Variants in VSTM4 observed in about 807,000 individuals in gnomAD.
The protein encoded by VSTM4 is V-set and transmembrane domain containing 4.
In VSTM4, 20 loss-of-function variants were observed where a neutral mutation model predicts 36.4. The observed-to-expected ratio is 0.55, with a 90% CI of 0.39 to 0.80. The LOEUF (loss-of-function observed/expected upper bound fraction) is 0.80, where lower values mean the gene tolerates loss of function less well. Among genes scored for constraint, VSTM4 ranks in the 30% least tolerant of loss-of-function variants. The probability of loss-of-function intolerance (pLI) is 0.00; values close to 1 mark genes in which losing one functional copy is unlikely to be tolerated. For synonymous variants in VSTM4, 182 were observed against 173.9 expected (o/e 1.05, Z -0.37); for missense variants, 392 against 404.5 (o/e 0.97, Z 0.26).
chr10:49,087,639 G>A (rs2132003012), intron 2 of VSTM4, among the ~76,000 whole-genome samples: 1 of 152,098 alleles, frequency 6.6e-6, no homozygotes, highest in South Asian at 2.1e-4. Context: ...AAAAATCCTG[G>A]GGTATTTACC....
intron 2 of VSTM4, among the ~76,000 whole-genome samples, chr10:49,100,033 A>G (rs1158323461): frequency 1.3e-5 from 2 of 152,206 alleles, no homozygotes; most frequent in Admixed American, 6.5e-5. Flanking sequence ...AAAGAAAAAG[A>G]AAAAGGAAGG....
intron 2 of VSTM4, among the ~76,000 whole-genome samples, chr10:49,089,919 C>A (rs1844442184): frequency 6.6e-6 from 1 of 152,368 alleles, no homozygotes; most frequent in Non-Finnish European, 1.5e-5. Flanking sequence ...GTGTAGTGGA[C>A]AATCAGCAGG....
At chr10:49,038,015 G>A (rs1843460138) in intron 7 of VSTM4, among the ~76,000 whole-genome samples, 2 of 151,788 alleles carry the variant, frequency 1.3e-5, no homozygotes, top group Admixed American at 1.3e-4. Flanking sequence ...TTGTAGGAAT[G>A]TAAAATGGTG....
chr10:49,108,124 C>T, intron 1 of VSTM4, 129 bp from the exon 2 acceptor site: 1 of 1,306,718 alleles, frequency 7.7e-7, no homozygotes, highest in Non-Finnish European at 1.0e-6. Context: ...GCCAGAGAAG[C>T]AGGCGGCCCC....
intron 5 of VSTM4, among the ~76,000 whole-genome samples, chr10:49,055,559 G>C (rs537745104): frequency 1.3e-5 from 2 of 152,314 alleles, no homozygotes; most frequent in Admixed American, 1.3e-4. Flanking sequence ...TTCTCCCCAA[G>C]GTCAGCTGCC....
At position 49,018,859 on chromosome 10, in the gene VSTM4, T is replaced by C. The variant is rs1843139110; in HGVS notation, c.*791A>G. 1 of 152,286 alleles carries C rather than the reference T, an allele frequency of 6.6e-6. No individual in the cohort carries two copies. Among genetic ancestry groups the C allele is most frequent in the African/African-American group, 2.4e-5 (1 of 41,462 alleles). 9.4% of individuals were successfully genotyped at this position (152,286 alleles called of 1,614,324 possible). A position where few individuals can be genotyped will look rare whatever the true frequency, so the allele number is the denominator to read the frequency against. Reference sequence around the variant, plus strand: ...GCTTGGCACACAGTGAAGAGGCCCATGCGCTCCAGTGTGTCTTCTGATGGC... The same window carrying C: ...GCTTGGCACACAGTGAAGAGGCCCACGCGCTCCAGTGTGTCTTCTGATGGC... On this transcript the variant is annotated 3_prime_UTR_variant, in exon 8 of 8. Coordinates refer to ENST00000332853, the MANE Select transcript of VSTM4 (RefSeq NM_001031746.5).
chr10:49,089,274 T>C (rs1844429448), intron 2 of VSTM4, among the ~76,000 whole-genome samples: 1 of 152,144 alleles, frequency 6.6e-6, no homozygotes, highest in African/African-American at 2.4e-5. Context: ...GCTGTCTAAG[T>C]ACAGGGACTT....
intron 5 of VSTM4, among the ~76,000 whole-genome samples, chr10:49,053,869 G>A (rs997611114): frequency 5.3e-5 from 8 of 152,204 alleles, no homozygotes; most frequent in African/African-American, 1.9e-4. Flanking sequence ...CATGAGAGAG[G>A]CTGCATTCCT....
intron 6 of VSTM4, 100 bp downstream of exon 6, chr10:49,048,378 A>G: frequency 9.4e-7 from 1 of 1,062,726 alleles, no homozygotes. Flanking sequence ...CATATTCCCC[A>G]TCTGCCTACG....
intron 7 of VSTM4, among the ~76,000 whole-genome samples, chr10:49,028,407 C>A (rs922332485): frequency 1.3e-5 from 2 of 152,144 alleles, no homozygotes; most frequent in Non-Finnish European, 1.5e-5. Flanking sequence ...AGCCTCTGGG[C>A]TGAATCTCCC....
chr10:49,094,615 A>G (rs1844536495), intron 2 of VSTM4, among the ~76,000 whole-genome samples: 1 of 152,224 alleles, frequency 6.6e-6, no homozygotes, highest in Non-Finnish European at 1.5e-5. Flanking sequence ...AAAGATCCTT[A>G]AGTAAAACAA....
At chr10:49,030,905 A>G (rs1843336125) in intron 7 of VSTM4, among the ~76,000 whole-genome samples, 1 of 152,222 alleles carries the variant, frequency 6.6e-6, no homozygotes, top group African/African-American at 2.4e-5. Context: ...GTGATTATAG[A>G]CAGTGTTCTT....
chr10:49,103,808 T>C, intron 2 of VSTM4: 1 of 1,614,008 alleles, frequency 6.2e-7, no homozygotes, highest in Non-Finnish European at 8.5e-7. Flanking sequence ...GAGGTAGTAT[T>C]ACAAGGGAAA....
chr10:49,054,332 C>T (rs1843742820), intron 5 of VSTM4, among the ~76,000 whole-genome samples: 1 of 152,240 alleles, frequency 6.6e-6, no homozygotes, highest in Non-Finnish European at 1.5e-5. Flanking sequence ...CATTTCAAGT[C>T]TGATTTAGAT....
intron 1 of VSTM4, among the ~76,000 whole-genome samples, chr10:49,114,712 C>G (rs12770876): frequency 6.6e-6 from 1 of 152,106 alleles, no homozygotes; most frequent in Non-Finnish European, 1.5e-5. Context: ...TGTATTATTA[C>G]TATTATTCCA....
chr10:49,100,143 G>A (rs1004656009), intron 2 of VSTM4, among the ~76,000 whole-genome samples: 5 of 152,186 alleles, frequency 3.3e-5, no homozygotes, highest in African/African-American at 9.6e-5. Flanking sequence ...AAAAAGCCAC[G>A]GTTGCCTCAA....
intron 4 of VSTM4, among the ~76,000 whole-genome samples, chr10:49,065,048 C>G (rs902708477): frequency 6.6e-6 from 1 of 152,190 alleles, no homozygotes; most frequent in Admixed American, 6.5e-5. Context: ...CACTCAACCT[C>G]TAAGCTCTGC....
intron 4 of VSTM4, among the ~76,000 whole-genome samples, chr10:49,070,902 C>T (rs780708900): frequency 2.4e-4 from 36 of 152,204 alleles, no homozygotes; most frequent in Non-Finnish European, 5.0e-4. Flanking sequence ...CCAGGCCATC[C>T]TCTGCTCCTC....
At chr10:49,096,667 G>GTGTGTGTGTGTT (rs71465497) in intron 2 of VSTM4, among the ~76,000 whole-genome samples, 2 of 145,986 alleles carry the variant, frequency 1.4e-5, no homozygotes, top group African/African-American at 5.1e-5. Flanking sequence ...GTGTGTGTGT[G>GTGTGTGTGTGTT]TTTTGAGACG....
Sources: allele counts gnomAD v4.1 joint callset (sites outside exome capture counted in the v4.1 genomes callset), GRCh38; gene constraint gnomAD v4.1.1; transcripts MANE v1.5; gene names NCBI Gene and HGNC (gene_info 2026-07-23, HGNC 2026-07-21).